PRUNE1: variants seen among roughly 807,000 people sequenced by gnomAD.
PRUNE1 encodes the protein prune exopolyphosphatase 1, also known as exopolyphosphatase PRUNE1.
In PRUNE1, 25 loss-of-function variants were observed where a neutral mutation model predicts 42.5. That is an observed-to-expected ratio of 0.59 (90% CI 0.43 to 0.82). The LOEUF is 0.82. Ranked by LOEUF, PRUNE1 falls within the 40% of genes least tolerant of loss-of-function variation. The probability of loss-of-function intolerance (pLI) is 0.00; values close to 1 mark genes in which losing one functional copy is unlikely to be tolerated. For missense variants in PRUNE1, 443 were observed against 539.3 expected, an observed-to-expected ratio of 0.82 and a Z score of 1.77; for synonymous variants, 203 against 217.1, an observed-to-expected ratio of 0.93 and a Z score of 0.57.
chr1:151,027,911 C>T (rs947232428), intron 6 of PRUNE1, among the ~76,000 whole-genome samples: 4 of 152,080 alleles, frequency 2.6e-5, no homozygotes, highest in East Asian at 3.9e-4. Flanking sequence ...CCACTGTGCC[C>T]GGCCTCATTG....
chr1:151,021,019 G>A (rs748554657), intron 3 of PRUNE1, among the ~76,000 whole-genome samples: 11 of 151,476 alleles, frequency 7.3e-5, no homozygotes, highest in Middle Eastern at 3.4e-3. Flanking sequence ...GGTGGCTCGC[G>A]CCTGTAAGTC....
intron 7 of PRUNE1, among the ~76,000 whole-genome samples, chr1:151,030,159 G>A (rs1675150995): frequency 6.6e-6 from 1 of 151,712 alleles, no homozygotes; most frequent in African/African-American, 2.4e-5. Context: ...CTACTCAGGA[G>A]GCTGAGGCAG....
intron 1 of PRUNE1, among the ~76,000 whole-genome samples, chr1:151,016,085 G>T (rs587761901): frequency 6.6e-6 from 1 of 152,034 alleles, no homozygotes; most frequent in South Asian, 2.1e-4. Flanking sequence ...AAAAATACAA[G>T]AATTAGCCGG....
intron 1 of PRUNE1, among the ~76,000 whole-genome samples, chr1:151,010,793 T>C (rs1673729709): frequency 6.6e-6 from 1 of 151,660 alleles, no homozygotes; most frequent in South Asian, 2.1e-4. Flanking sequence ...GTAGCTGGGA[T>C]TACAAGTGTG....
Position 151,018,144 on chromosome 1 carries a change from G to A in PRUNE1, c.132+240G>A, listed in dbSNP as rs144650160. Among the ~76,000 whole-genome samples the A allele has an allele frequency of 7.0e-4, 106 of 152,174 alleles. 1 individual carries two copies. Among genetic ancestry groups the A allele is most frequent in the African/African-American group, 2.5e-3 (104 of 41,528 alleles). ...TAAACCATAAAGCAATATTCAAACA[G>A]TTTATTACTGAGTTCCGTATAGGTA... On this transcript the variant is annotated intron_variant, in intron 2 of 7. Coordinates refer to ENST00000271620, the MANE Select transcript of PRUNE1 (RefSeq NM_021222.3).
At chr1:151,025,415 C>A (rs1674765345) in intron 4 of PRUNE1, 100 bp from the exon 5 acceptor site, 1 of 1,206,920 alleles carries the variant, frequency 8.3e-7, no homozygotes, top group Non-Finnish European at 1.1e-6. Context: ...CTATACAAAT[C>A]TCCTTGTGTG....
chr1:151,024,168 C>CA (rs1674668306), intron 3 of PRUNE1, among the ~76,000 whole-genome samples: 1 of 127,634 alleles, frequency 7.8e-6, no homozygotes, highest in South Asian at 2.5e-4. Context: ...ACCTGGGCAA[C>CA]AGAGTGAGAC....
intron 1 of PRUNE1, 116 bp from the exon 2 acceptor site, chr1:151,017,696 A>G (rs1674188918): frequency 3.7e-6 from 2 of 536,060 alleles, no homozygotes; most frequent in Admixed American, 7.4e-5. Context: ...ACTGCATTCC[A>G]GCCTGGGCGA....
At chr1:151,017,718 C>A in intron 1 of PRUNE1, 94 bp from the exon 2 acceptor site, 2 of 720,184 alleles carry the variant, frequency 2.8e-6, no homozygotes, top group Non-Finnish European at 4.2e-6. Flanking sequence ...AGAGTGAGAC[C>A]TGTCTCAAAA....
chr1:151,027,052 C>CT (rs1284208859), intron 5 of PRUNE1, among the ~76,000 whole-genome samples, 181 bp from the exon 6 acceptor site: 1 of 151,982 alleles, frequency 6.6e-6, no homozygotes, highest in Non-Finnish European at 1.5e-5. Context: ...TCCCAAAGTG[C>CT]TGGGATTACA....
At chr1:151,027,781 T>TGTGTGTGTGTGTGTGCGC (rs764369341) in intron 6 of PRUNE1, among the ~76,000 whole-genome samples, 1 of 142,530 alleles carries the variant, frequency 7.0e-6, no homozygotes, top group African/African-American at 2.7e-5. Context: ...TGTGTGTGTG[T>TGTGTGTGTGTGTGTGCGC]GCGCGCGCGT....
intron 7 of PRUNE1, among the ~76,000 whole-genome samples, chr1:151,030,104 A>C (rs948676556): frequency 8.6e-5 from 13 of 151,992 alleles, no homozygotes; most frequent in African/African-American, 3.1e-4. Context: ...TCTTTTAAAA[A>C]TACGGAAATT....
At chr1:151,016,810 G>C (rs1475514864) in intron 1 of PRUNE1, among the ~76,000 whole-genome samples, 1 of 151,574 alleles carries the variant, frequency 6.6e-6, no homozygotes, top group African/African-American at 2.4e-5. Flanking sequence ...CCCTGGACTA[G>C]ATCTTACTTT....
In PRUNE1 at chr1:151,013,983, CT is replaced by C. The variant is rs776102467; in HGVS notation, c.40-3815del. On this transcript the variant is annotated intron_variant, in intron 1 of 7. Transcript: ENST00000271620. ...GTATGAATGGGCCTTTGCTTCCACA[CT>C]TTTTTTTTTTTTTGAGACAGAGTCT... Among the ~76,000 whole-genome samples, 775 of 144,754 alleles carry C rather than the reference CT, an allele frequency of 5.4e-3. 3 individuals are homozygous for C. The highest frequency in any genetic ancestry group is 8.5e-3 in the South Asian group (39 of 4,568). 95.0% of individuals were successfully genotyped at this position (144,754 alleles called of 152,430 possible).
In PRUNE1 at chr1:151,012,028, C is replaced by T. The variant is rs192645808; in HGVS notation, c.39+3357C>T. The stretch of plus-strand genomic sequence containing the variant: ...TCTTGACCTCGTGGTCGGCCCACCT[C>T]GGCCTCCCAAAGTGCTGGGATTACA... On this transcript the variant is annotated intron_variant, in intron 1 of 7. Coordinates refer to ENST00000271620, the MANE Select transcript of PRUNE1 (RefSeq NM_021222.3). Among the ~76,000 whole-genome samples, 1,309 of 152,154 alleles carry T rather than the reference C, an allele frequency of 8.6e-3. 12 individuals are homozygous for T. Among genetic ancestry groups the T allele is most frequent in the Non-Finnish European group, 0.013 (913 of 68,008 alleles).
At chr1:151,024,823 CAGT>C in intron 4 of PRUNE1, 28 bp downstream of exon 4, 1 of 1,584,530 alleles carries the variant, frequency 6.3e-7, no homozygotes, top group Non-Finnish European at 8.6e-7. Context: ...ATTGGGACCT[CAGT>C]AGTTCTATTC....
At position 151,033,900 on chromosome 1, in the gene PRUNE1, A is replaced by C. The variant is rs1325855999; in HGVS notation, c.1028A>C (p.Asn343Thr). The change falls in exon 8 of 8, where the codon AAC (asparagine) becomes ACC (threonine). Residue 343 changes from asparagine (N) to threonine (T), a missense_variant. Asn to Thr is a moderately conservative substitution (Grantham distance 65). Transcript: ENST00000271620. ...AACCTCCATGCCTATCTTCAAGGCA[A>C]CACCCAGGTCTCTCGAAAGAAACTT... ...HPNLHAYLQGNTQVSRKKLLP... is the reference protein window; with the variant it reads ...HPNLHAYLQGTTQVSRKKLLP... The C allele has an allele frequency of 2.5e-6, 4 of 1,613,798 alleles. No individual in the cohort carries two copies. The highest frequency in any genetic ancestry group is 1.7e-6 in the Non-Finnish European group (2 of 1,179,732).
chr1:151,014,007 T>C (rs1371920591), intron 1 of PRUNE1, among the ~76,000 whole-genome samples: 1 of 149,566 alleles, frequency 6.7e-6, no homozygotes, highest in Non-Finnish European at 1.5e-5. Context: ...TGAGACAGAG[T>C]CTCGCTCGGT....
At chr1:151,028,672 C>G in intron 6 of PRUNE1, 114 bp from the exon 7 acceptor site, 1 of 1,077,336 alleles carries the variant, frequency 9.3e-7, no homozygotes, top group Non-Finnish European at 1.3e-6. Flanking sequence ...GATCACCTGC[C>G]TCGGCCTCCC....
Sources: allele counts gnomAD v4.1 joint callset (sites outside exome capture counted in the v4.1 genomes callset), GRCh38; gene constraint gnomAD v4.1.1; transcripts MANE v1.5; gene names NCBI Gene and HGNC (gene_info 2026-07-23, HGNC 2026-07-21).